The following ENPP3 variants were observed in gnomAD, a reference collection of about 807,000 sequenced individuals.
ENPP3 encodes ectonucleotide pyrophosphatase/phosphodiesterase family member 3.
In ENPP3, 104 loss-of-function variants were observed where a neutral mutation model predicts 117.8. The observed-to-expected ratio is 0.88, with a 90% confidence interval of 0.75 to 1.04. The LOEUF (loss-of-function observed/expected upper bound fraction) is 1.04, where lower values mean the gene tolerates loss of function less well. ENPP3 is among the 50% of genes least tolerant of loss of function. ENPP3 has a pLI of 0.00. For synonymous variants in ENPP3, 380 were observed against 349.9 expected (o/e 1.09, Z -0.96); for missense variants, 1,026 against 1,051.9 (o/e 0.98, Z 0.34).
chr6:131,670,943 G>A (rs377759240), intron 6 of ENPP3, among the ~76,000 whole-genome samples: 2 of 152,122 alleles, frequency 1.3e-5, no homozygotes, highest in East Asian at 3.9e-4. Flanking sequence ...ATGCTTTGGG[G>A]CCTCAATGGC....
chr6:131,655,643 C>T (rs1450744399), intron 5 of ENPP3, among the ~76,000 whole-genome samples: 3 of 152,164 alleles, frequency 2.0e-5, no homozygotes, highest in Non-Finnish European at 2.9e-5. Context: ...AGGAAGGTTT[C>T]CAGTAAAGTC....
At chr6:131,693,964 T>G (rs1305507034) in intron 15 of ENPP3, among the ~76,000 whole-genome samples, 2 of 152,224 alleles carry the variant, frequency 1.3e-5, no homozygotes, top group Admixed American at 1.3e-4. Flanking sequence ...TAATGAGTGA[T>G]TGATTACACA....
chr6:131,696,590 T>C (rs1394502275), intron 15 of ENPP3, among the ~76,000 whole-genome samples: 3 of 152,196 alleles, frequency 2.0e-5, no homozygotes, highest in Admixed American at 6.5e-5. Flanking sequence ...ATGGAATCTT[T>C]GCTCAGCTCA....
chr6:131,726,950 T>C (rs1015388805), intron 20 of ENPP3, among the ~76,000 whole-genome samples: 2 of 152,226 alleles, frequency 1.3e-5, no homozygotes, highest in Admixed American at 6.5e-5. Context: ...CATATCTTTA[T>C]GATCTTGTGA....
intron 15 of ENPP3, among the ~76,000 whole-genome samples, chr6:131,715,480 G>A (rs969429064): frequency 7.4e-6 from 1 of 134,810 alleles, no homozygotes; most frequent in Non-Finnish European, 1.5e-5. Context: ...AATCTGAGCT[G>A]CTCCGTTCTT....
intron 11 of ENPP3, among the ~76,000 whole-genome samples, chr6:131,678,701 C>CT (rs981655807): frequency 6.6e-6 from 1 of 152,116 alleles, no homozygotes; most frequent in Non-Finnish European, 1.5e-5. Context: ...CTCAGAAAAG[C>CT]TTTTTTTAAA....
intron 5 of ENPP3, among the ~76,000 whole-genome samples, chr6:131,653,696 G>A (rs1365468091): frequency 6.6e-6 from 1 of 152,030 alleles, no homozygotes; most frequent in African/African-American, 2.4e-5. Flanking sequence ...ACAGCTGTGA[G>A]CCACCATGTC....
chr6:131,742,296 A>G (rs761509963), intron 24 of ENPP3, among the ~76,000 whole-genome samples: 6 of 152,168 alleles, frequency 3.9e-5, no homozygotes, highest in Non-Finnish European at 7.4e-5. Flanking sequence ...GACAGACATC[A>G]ATGACTGATA....
intron 2 of ENPP3, among the ~76,000 whole-genome samples, 185 bp downstream of exon 2, chr6:131,641,715 T>G (rs1778045178): frequency 6.6e-6 from 1 of 151,890 alleles, no homozygotes; most frequent in Non-Finnish European, 1.5e-5. Flanking sequence ...TTGCTCACTG[T>G]ACTTTCTGGA....
At chr6:131,672,009 T>G (rs987132160) in intron 7 of ENPP3, among the ~76,000 whole-genome samples, 4 of 152,204 alleles carry the variant, frequency 2.6e-5, no homozygotes, top group African/African-American at 9.6e-5. Context: ...ACATTTACAT[T>G]TTAACCCCCA....
chr6:131,639,287 C>CT (rs140309075), intron 1 of ENPP3, among the ~76,000 whole-genome samples: 17 of 97,908 alleles, frequency 1.7e-4, no homozygotes, highest in African/African-American at 5.1e-4. Flanking sequence ...TTCTCTCTCT[C>CT]TTTTTTTTGG....
intron 5 of ENPP3, among the ~76,000 whole-genome samples, chr6:131,653,277 C>T (rs774916360): frequency 8.6e-5 from 13 of 151,664 alleles, no homozygotes; most frequent in South Asian, 4.2e-4. Flanking sequence ...ACTATAGGCA[C>T]GCCACCATGC....
intron 15 of ENPP3, among the ~76,000 whole-genome samples, chr6:131,717,828 G>A (rs1324558862): frequency 8.5e-5 from 13 of 152,074 alleles, no homozygotes; most frequent in Admixed American, 7.9e-4. Flanking sequence ...GTGTGATGGT[G>A]GTCCCATAAG....
intron 6 of ENPP3, among the ~76,000 whole-genome samples, chr6:131,667,686 C>G (rs1487849149): frequency 6.6e-6 from 1 of 152,214 alleles, no homozygotes; most frequent in African/African-American, 2.4e-5. Context: ...AACAGTTCTG[C>G]TTTTCCTACT....
chr6:131,656,075 T>C (rs556989390), intron 5 of ENPP3, among the ~76,000 whole-genome samples: 6 of 152,360 alleles, frequency 3.9e-5, no homozygotes, highest in African/African-American at 1.4e-4. Context: ...TTTGCCTTAC[T>C]ATTTTGCTAG....
intron 11 of ENPP3, among the ~76,000 whole-genome samples, chr6:131,682,385 T>G (rs979589220): frequency 1.3e-5 from 2 of 152,068 alleles, no homozygotes; most frequent in African/African-American, 4.8e-5. Context: ...TGCTAGCTAC[T>G]CAGGAGGCTG....
At chr6:131,660,622 CAT>C (rs1197907875) in intron 6 of ENPP3, among the ~76,000 whole-genome samples, 1 of 152,160 alleles carries the variant, frequency 6.6e-6, no homozygotes, top group African/African-American at 2.4e-5. Context: ...CAGCAGGGGA[CAT>C]ATGCAGAGTT....
At chr6:131,720,478 C>A in intron 17 of ENPP3, 99 bp downstream of exon 17, 1 of 577,972 alleles carries the variant, frequency 1.7e-6, no homozygotes, top group South Asian at 2.9e-5. Context: ...GCTGGATGCT[C>A]TGTAGTGAGA....
chr6:131,668,212 T>TG (rs1360863817), intron 6 of ENPP3, among the ~76,000 whole-genome samples: 2 of 139,850 alleles, frequency 1.4e-5, no homozygotes, highest in Non-Finnish European at 3.1e-5. Flanking sequence ...CTGCGTTTTT[T>TG]TTTTTTTTTT....
Sources: gnomAD v4.1 joint callset for allele counts (sites outside exome capture counted in the v4.1 genomes callset) on GRCh38, gnomAD v4.1.1 for gene constraint, MANE v1.5 for transcripts, NCBI Gene and HGNC (gene_info 2026-07-23, HGNC 2026-07-21) for gene names.